HSPA1L: variants seen among roughly 807,000 people sequenced by gnomAD.
The protein encoded by HSPA1L is heat shock protein family A (Hsp70) member 1 like.
Under a neutral mutation model 31.5 loss-of-function variants are expected in HSPA1L, and 21 were observed. The observed-to-expected ratio is 0.67, with a 90% confidence interval of 0.47 to 0.96. The LOEUF (loss-of-function observed/expected upper bound fraction) is 0.96, where lower values mean the gene tolerates loss of function less well. Ranked by LOEUF, HSPA1L falls within the 40% of genes least tolerant of loss-of-function variation. The probability of loss-of-function intolerance (pLI) is 0.00; values close to 1 mark genes in which losing one functional copy is unlikely to be tolerated. For missense variants in HSPA1L, 709 were observed against 813.4 expected, an observed-to-expected ratio of 0.87 and a Z score of 1.56; for synonymous variants, 293 against 323.1, an observed-to-expected ratio of 0.91 and a Z score of 1.00.
intron 1 of HSPA1L, 124 bp downstream of exon 1, chr6:31,814,765 C>T: frequency 3.3e-6 from 1 of 299,168 alleles, no homozygotes; most frequent in Non-Finnish European, 4.9e-6. Flanking sequence ...GCTCCTCCTA[C>T]CCGGATCAGC....
Position 31,811,524 on chromosome 6 carries a change from G to A in HSPA1L, c.449C>T (p.Ala150Val), listed in dbSNP as rs201394277. The stretch of plus-strand genomic sequence containing the variant: ...CTGACGTTGAGAGTCATTGAAATAG[G>A]CTGGCACGGTAATCACTGCATTGGT... ...PVTNAVITVP[A>V]YFNDSQRQAT... The change falls in exon 2 of 2, where the codon GCC becomes GTC. Residue 150 changes from alanine to valine, a missense_variant. Transcript: ENST00000375654. 1 of 1,614,154 alleles carries A rather than the reference G, an allele frequency of 6.2e-7. No individual in the cohort carries two copies. The highest frequency in any genetic ancestry group is 1.7e-5 in the Admixed American group (1 of 60,012).
rs1815356457 is a variant in HSPA1L, at chr6:31,810,817, T to C, written c.1156A>G (p.Lys386Glu). 6.2e-7 allele frequency: 1 copy of C among 1,613,988 alleles called. No individual in the cohort carries two copies. The highest frequency in any genetic ancestry group is 1.3e-5 in the African/African-American group (1 of 74,890). The change falls in exon 2 of 2, where the codon AAG becomes GAG. Residue 386 changes from lysine (K) to glutamate (E), a missense_variant. By Grantham distance (56) the Lys-to-Glu change is moderately conservative. Transcript: ENST00000375654. ...AGCAGGTCCTGTACCTTCTCAGACTTGTCCCCCATCAGGATGGCTGCTTGT... is the reference window on the plus strand; with the variant it reads ...AGCAGGTCCTGTACCTTCTCAGACTCGTCCCCCATCAGGATGGCTGCTTGT... ...AVQAAILMGDKSEKVQDLLLL... is the reference protein window; with the variant it reads ...AVQAAILMGDESEKVQDLLLL...
chr6:31,813,198 G>A (rs1047670017), intron 1 of HSPA1L, among the ~76,000 whole-genome samples: 3 of 152,142 alleles, frequency 2.0e-5, no homozygotes, highest in African/African-American at 7.2e-5. Flanking sequence ...TTATCCTTTT[G>A]TGACTTTGCT....
chr6:31,814,942 C>T lies in HSPA1L; in HGVS notation c.-67G>A. 1.0e-6 allele frequency: 1 copy of T among 985,824 alleles called. No individual in the cohort carries two copies. The highest frequency in any genetic ancestry group is 1.7e-5 in the African/African-American group (1 of 57,346). 61.1% of individuals were successfully genotyped at this position (985,824 alleles called of 1,614,324 possible). On this transcript the variant is annotated 5_prime_UTR_variant, in exon 1 of 2. Coordinates refer to ENST00000375654, the MANE Select transcript of HSPA1L (RefSeq NM_005527.4). The stretch of plus-strand genomic sequence containing the variant: ...TGGAAACGTCCAGATTACGCAGCCC[C>T]AGCGAGTAGGTGGGGGCTCCCTCAA...
Position 31,810,476 on chromosome 6 carries a change from C to T in HSPA1L, c.1497G>A (p.Lys499=), listed in dbSNP as rs1480730053. The change falls in exon 2 of 2, where the codon AAG becomes AAA. Residue 499 remains lysine (K), a synonymous_variant. Transcript: ENST00000375654. ...NVTATDKSTG[K]VNKITITNDK... ...CATTGGTGATGGTGATCTTGTTCAC[C>T]TTGCCGGTGCTCTTGTCCGTGGCTG... The T allele has an allele frequency of 6.2e-7, 1 of 1,613,868 alleles. No individual in the cohort carries two copies. Among genetic ancestry groups the T allele is most frequent in the Admixed American group, 1.7e-5 (1 of 59,982 alleles).
At chr6:31,814,811 G>T in intron 1 of HSPA1L, 78 bp downstream of exon 1, 1 of 794,344 alleles carries the variant, frequency 1.3e-6, no homozygotes, top group Middle Eastern at 6.4e-4. Flanking sequence ...ACCAACTAGG[G>T]AACTTTCCAG....
chr6:31,811,010 T>A lies in HSPA1L; in HGVS notation c.963A>T (p.Lys321Asn), dbSNP rs1581695219. The A allele has an allele frequency of 6.2e-7, 1 of 1,614,134 alleles. No individual in the cohort carries two copies. The highest frequency in any genetic ancestry group is 1.1e-5 in the South Asian group (1 of 91,080). Residue 321 changes from lysine (K) to asparagine (N), a missense_variant, in exon 2 of 2, where the codon AAA (lysine) becomes AAT (asparagine). By Grantham distance (94) the Lys-to-Asn change is moderately conservative. Coordinates refer to ENST00000375654, the MANE Select transcript of HSPA1L (RefSeq NM_005527.4). ...TATCCATCTTGGCATCCCGAAGCGC[T>A]TTTTCTACAGGCTCCAGGGTACCCC... ...LFRGTLEPVE[K>N]ALRDAKMDKA...
rs1221010467 is a variant in HSPA1L, at chr6:31,814,824, C to T, written c.-14+65G>A. On this transcript the variant is annotated intron_variant, in intron 1 of 1. Transcript: ENST00000375654. ...AAACCAACTAGGGAACTTTCCAGTACTTTCCCAAACAAGGACCTACTGAGC... is the reference window on the plus strand; with the variant it reads ...AAACCAACTAGGGAACTTTCCAGTATTTTCCCAAACAAGGACCTACTGAGC... 8 of 893,294 alleles carry T rather than the reference C, an allele frequency of 9.0e-6. No homozygotes were observed. The Admixed American group carries it at 3.1e-4, about 35-fold the overall frequency. The allele number at this position is 893,294 out of a possible 1,614,324, so 55.3% of individuals were successfully genotyped here. A position where few individuals can be genotyped will look rare whatever the true frequency, so the allele number is the denominator to read the frequency against.
chr6:31,810,806 C>T lies in HSPA1L; in HGVS notation c.1167G>A (p.Lys389=), dbSNP rs766434444. Residue 389 remains lysine (K), a synonymous_variant, in exon 2 of 2, where the codon AAG becomes AAA. Coordinates refer to ENST00000375654, the MANE Select transcript of HSPA1L (RefSeq NM_005527.4). ...CGTCCAGCAGCAGCAGGTCCTGTAC[C>T]TTCTCAGACTTGTCCCCCATCAGGA... ...AAILMGDKSE[K]VQDLLLLDVA... is the part of the protein sequence containing the mutation. 6.2e-7 allele frequency: 1 copy of T among 1,614,134 alleles called. No homozygotes were observed. The highest frequency in any genetic ancestry group is 8.5e-7 in the Non-Finnish European group (1 of 1,180,020).
chr6:31,815,096 C>T lies in HSPA1L; in HGVS notation c.-221G>A. On this transcript the variant is annotated 5_prime_UTR_variant, in exon 1 of 2. Coordinates refer to ENST00000375654, the MANE Select transcript of HSPA1L (RefSeq NM_005527.4). ...GTCAGAGACAGTATCTCCATTGTAACGTGGCCGGGCGGTGTCAACACAAAC... is the reference window on the plus strand; with the variant it reads ...GTCAGAGACAGTATCTCCATTGTAATGTGGCCGGGCGGTGTCAACACAAAC... 2 of 948,694 alleles carry T rather than the reference C, an allele frequency of 2.1e-6. No individual in the cohort carries two copies. The highest frequency in any genetic ancestry group is 1.8e-5 in the African/African-American group (1 of 55,718). 58.8% of individuals were successfully genotyped at this position (948,694 alleles called of 1,614,324 possible). A position where few individuals can be genotyped will look rare whatever the true frequency, so the allele number is the denominator to read the frequency against.
rs544006150 is a variant in HSPA1L at position 31,810,402 on chromosome 6, G to A, written c.1571C>T (p.Ala524Val). 2 of 1,612,502 alleles carry A rather than the reference G, an allele frequency of 1.2e-6. No homozygotes were observed. Among genetic ancestry groups the A allele is most frequent in the African/African-American group, 1.3e-5 (1 of 74,908 alleles). ...CTCATCTTCAGCTTTATATTTCTCA[G>A]CATCCAGAACCATGCGCTCAATCTC... is the stretch of plus-strand genomic sequence containing the variant. ...KEEIERMVLD[A>V]EKYKAEDEVQ... Residue 524 changes from alanine (A) to valine (V), a missense_variant, in exon 2 of 2, where the codon GCT (alanine) becomes GTT (valine). By Grantham distance (64) the Ala-to-Val change is moderately conservative. Transcript: ENST00000375654.
Position 31,811,819 on chromosome 6 carries a change from G to C in HSPA1L, c.154C>G (p.Leu52Val). The C allele has an allele frequency of 1.9e-6, 3 of 1,614,170 alleles. No individual in the cohort carries two copies. The highest frequency in any genetic ancestry group is 2.5e-6 in the Non-Finnish European group (3 of 1,180,032). Residue 52 changes from leucine (L) to valine (V), a missense_variant, in exon 2 of 2, where the codon CTC becomes GTC. Coordinates refer to ENST00000375654, the MANE Select transcript of HSPA1L (RefSeq NM_005527.4). The part of the protein sequence containing the change: ...SYVAFTDTER[L>V]IGDAAKNQVA... ...TGGTTCTTGGCCGCATCCCCAATGA[G>C]CCGCTCGGTGTCTGTGAAGGCCACG...
In HSPA1L at chr6:31,810,352, T is replaced by C; in HGVS notation, c.1621A>G (p.Lys541Glu). Residue 541 changes from lysine (K) to glutamate (E), a missense_variant, in exon 2 of 2, where the codon AAG becomes GAG. Physicochemically the swap from Lys to Glu is moderately conservative, Grantham distance 56. Transcript: ENST00000375654. ...AAAGCATAGGATTCTAAGGCATTCT[T>C]TGCAGCAATTTTCTCCCTCTGGACC... ...DEVQREKIAA[K>E]NALESYAFNM... The C allele has an allele frequency of 6.2e-7, 1 of 1,606,188 alleles. No individual in the cohort carries two copies. Among genetic ancestry groups the C allele is most frequent in the Non-Finnish European group, 8.5e-7 (1 of 1,176,456 alleles).
chr6:31,812,067 C>T (rs1815464450), intron 1 of HSPA1L, 82 bp from the exon 2 acceptor site: 1 of 1,483,770 alleles, frequency 6.7e-7, no homozygotes, highest in Non-Finnish European at 9.0e-7. Context: ...CTTCCTCTGT[C>T]ACCCAGGTTG....
rs1252830237 is a variant in HSPA1L at position 31,811,908 on chromosome 6, A to AC, written c.64dup (p.Val22GlyfsTer50). On this transcript the variant is annotated frameshift_variant, in exon 2 of 2. Coordinates refer to ENST00000375654, the MANE Select transcript of HSPA1L (RefSeq NM_005527.4). LOFTEE classifies it high-confidence loss of function. ...GATCTCCACCTTGCCGTGCTGGAAC[A>AC]CCCCCACACAGGAGTAGGTGGTGCC... 2 of 1,613,758 alleles carry AC rather than the reference A, an allele frequency of 1.2e-6. No individual in the cohort carries two copies. The highest frequency in any genetic ancestry group is 1.3e-5 in the African/African-American group (1 of 74,802).
Position 31,809,903 on chromosome 6 carries a change from G to A in HSPA1L, c.*144C>T. Reference sequence around the variant, plus strand: ...AAACAGGATGTGAGGGAGTGTGATAGGTGGTGCATGAGACTCCTTCTCCAG... The same window carrying A: ...AAACAGGATGTGAGGGAGTGTGATAAGTGGTGCATGAGACTCCTTCTCCAG... On this transcript the variant is annotated 3_prime_UTR_variant, in exon 2 of 2. Transcript: ENST00000375654. 2 of 576,838 alleles carry A rather than the reference G, an allele frequency of 3.5e-6. No homozygotes were observed. The allele number at this position is 576,838 out of a possible 1,614,324, so 35.7% of individuals were successfully genotyped here. A position where few individuals can be genotyped will look rare whatever the true frequency, so the allele number is the denominator to read the frequency against.
Position 31,812,176 on chromosome 6 carries a change from C to T in HSPA1L, c.-13-191G>A, listed in dbSNP as rs118191775. Among the ~76,000 whole-genome samples, 1,168 of 149,668 alleles carry T rather than the reference C, an allele frequency of 7.8e-3. 18 individuals are homozygous for T. The highest frequency in any genetic ancestry group is 0.047 in the South Asian group (221 of 4,716). On this transcript the variant is annotated intron_variant, in intron 1 of 1. Transcript: ENST00000375654. Reference sequence around the variant, plus strand: ...CCAGAATAACTGGAGACAACATGCCCGGCTAATTTTTTTTTTTTTTGAGAC... The same window carrying T: ...CCAGAATAACTGGAGACAACATGCCTGGCTAATTTTTTTTTTTTTTGAGAC...
At chr6:31,813,252 CAT>C (rs941948577) in intron 1 of HSPA1L, among the ~76,000 whole-genome samples, 3 of 152,216 alleles carry the variant, frequency 2.0e-5, no homozygotes, top group Non-Finnish European at 4.4e-5. Context: ...CATGTTGTAA[CAT>C]GTCACAATTT....
intron 1 of HSPA1L, among the ~76,000 whole-genome samples, chr6:31,812,415 C>T (rs1164941351): frequency 3.3e-5 from 5 of 151,874 alleles, no homozygotes; most frequent in East Asian, 1.9e-4. Context: ...TCAGGTGATC[C>T]GCCCGCCTCG....
Sources: allele counts gnomAD v4.1 joint callset (sites outside exome capture counted in the v4.1 genomes callset), GRCh38; gene constraint gnomAD v4.1.1; transcripts MANE v1.5; gene names NCBI Gene and HGNC (gene_info 2026-07-23, HGNC 2026-07-21).